Variants in CCSER1 observed in about 807,000 individuals in gnomAD.
CCSER1 encodes serine-rich coiled-coil domain-containing protein 1.
CCSER1 carries 41 observed loss-of-function variants against 82.0 expected under a neutral mutation model. The ratio of observed to expected loss-of-function variants is 0.50; its 90% CI spans 0.39 to 0.65. The LOEUF is 0.65. CCSER1 is among the 30% of genes least tolerant of loss of function. CCSER1 has a pLI of 0.00. For synonymous variants in CCSER1, 414 were observed against 383.9 expected, an observed-to-expected ratio of 1.08 and a Z score of -0.92; for missense variants, 1,119 against 1,064.2, an observed-to-expected ratio of 1.05 and a Z score of -0.72.
chr4:90,803,026 C>T (rs1757029186), intron 7 of CCSER1, among the ~76,000 whole-genome samples: 1 of 151,804 alleles, frequency 6.6e-6, no homozygotes, highest in South Asian at 2.1e-4. Flanking sequence ...GTAAATCTTA[C>T]AGTAAAGCCC....
chr4:91,336,916 G>A (rs1158049938), intron 10 of CCSER1, among the ~76,000 whole-genome samples: 3 of 152,024 alleles, frequency 2.0e-5, no homozygotes, highest in Non-Finnish European at 4.4e-5. Context: ...GAAGTGATAT[G>A]TATAAATACA....
intron 8 of CCSER1, among the ~76,000 whole-genome samples, chr4:90,916,280 T>G (rs1727399639): frequency 6.6e-6 from 1 of 152,148 alleles, no homozygotes; most frequent in African/African-American, 2.4e-5. Context: ...AAGGCTACAG[T>G]AACCAAAGCA....
chr4:90,621,756 G>A (rs1373743192), intron 5 of CCSER1, among the ~76,000 whole-genome samples: 1 of 152,140 alleles, frequency 6.6e-6, no homozygotes, highest in Non-Finnish European at 1.5e-5. Flanking sequence ...AATTATTCCA[G>A]CAGGTAGTTA....
intron 10 of CCSER1, among the ~76,000 whole-genome samples, chr4:91,553,843 A>ATT (rs35525587): frequency 7.1e-4 from 103 of 146,080 alleles, no homozygotes; most frequent in Middle Eastern, 3.5e-3. Context: ...AGGTTTATCA[A>ATT]TTTTTTAAAA....
At chr4:91,446,455 A>C (rs1755558694) in intron 10 of CCSER1, among the ~76,000 whole-genome samples, 1 of 151,806 alleles carries the variant, frequency 6.6e-6, no homozygotes, top group East Asian at 1.9e-4. Flanking sequence ...TCTGTTACAA[A>C]TATTATGCAT....
intron 1 of CCSER1, among the ~76,000 whole-genome samples, chr4:90,196,720 G>A (rs1008952071): frequency 6.2e-5 from 9 of 145,182 alleles, no homozygotes; most frequent in African/African-American, 2.1e-4. Context: ...ACATTCTATT[G>A]CTCAAGCAAT....
chr4:91,237,739 A>G (rs1269762797), intron 10 of CCSER1, among the ~76,000 whole-genome samples: 4 of 152,204 alleles, frequency 2.6e-5, no homozygotes, highest in African/African-American at 9.6e-5. Context: ...GGAGAGAGAA[A>G]GAGAGCACAA....
chr4:90,665,278 C>T (rs1279711866), intron 6 of CCSER1, among the ~76,000 whole-genome samples: 2 of 151,260 alleles, frequency 1.3e-5, no homozygotes, highest in African/African-American at 2.4e-5. Flanking sequence ...GCTGTAATTT[C>T]GAGGTAGGGA....
At chr4:91,464,996 C>A (rs1334681725) in intron 10 of CCSER1, among the ~76,000 whole-genome samples, 1 of 152,132 alleles carries the variant, frequency 6.6e-6, no homozygotes, top group Non-Finnish European at 1.5e-5. Flanking sequence ...AGCTCTGCAC[C>A]AAGTGGACCG....
At chr4:90,795,454 A>G (rs1755865341) in intron 7 of CCSER1, among the ~76,000 whole-genome samples, 1 of 152,108 alleles carries the variant, frequency 6.6e-6, no homozygotes, top group South Asian at 2.1e-4. Flanking sequence ...GGATAGTTTG[A>G]CATCCTATCT....
intron 10 of CCSER1, among the ~76,000 whole-genome samples, chr4:91,352,950 A>T (rs1268225620): frequency 1.3e-5 from 2 of 152,186 alleles, no homozygotes. Context: ...AATGTTGAAA[A>T]AAATAGACAG....
At position 90,513,063 on chromosome 4, in the gene CCSER1, G is replaced by A. The variant is rs565031024; in HGVS notation, c.1724+44709G>A. Among the ~76,000 whole-genome samples the A allele has an allele frequency of 1.7e-4, 26 of 152,216 alleles. 1 individual carries two copies. In the South Asian group the frequency reaches 5.4e-3, roughly 32 times the overall value. ...GGAGTGTGGCAGAATGTGTGGACTA[G>A]GGACATGAAGTAAACTTGTAAACTT... On this transcript the variant is annotated intron_variant, in intron 5 of 10. Transcript: ENST00000509176.
rs551772941 is a variant in CCSER1, at chr4:91,262,641, C to T, written c.2217+176647C>T. On this transcript the variant is annotated intron_variant, in intron 10 of 10. Transcript: ENST00000509176. Reference sequence around the variant, plus strand: ...TTTCTATTACATTCTTACCAAAGGACCTAAATTCCAATTAAATTTAGAATT... The same window carrying T: ...TTTCTATTACATTCTTACCAAAGGATCTAAATTCCAATTAAATTTAGAATT... Among the ~76,000 whole-genome samples the T allele has an allele frequency of 2.6e-4, 39 of 152,076 alleles. 1 individual carries two copies. The highest frequency in any genetic ancestry group is 1.8e-3 in the Admixed American group (27 of 15,270).
chr4:90,530,176 T>C (rs1375946443), intron 5 of CCSER1, among the ~76,000 whole-genome samples: 2 of 152,108 alleles, frequency 1.3e-5, no homozygotes, highest in Non-Finnish European at 2.9e-5. Flanking sequence ...AGGGGTATGG[T>C]CCCTTAAAGT....
chr4:91,193,084 G>A (rs931098311), intron 10 of CCSER1, among the ~76,000 whole-genome samples: 2 of 151,932 alleles, frequency 1.3e-5, no homozygotes, highest in Admixed American at 1.3e-4. Context: ...ATGAATATTT[G>A]TGTCTTTTTT....
chr4:90,556,963 C>T lies in CCSER1; in HGVS notation c.1725-71062C>T, dbSNP rs577080414. The stretch of plus-strand genomic sequence containing the variant: ...TAGCAAACATAAATAAAAATAGATA[C>T]AGGTACCAACATTCAATAACAACTT... On this transcript the variant is annotated intron_variant, in intron 5 of 10. Coordinates refer to ENST00000509176, the MANE Select transcript of CCSER1 (RefSeq NM_001145065.2). 2.0e-5 allele frequency among the ~76,000 whole-genome samples: 3 copies of T among 151,720 alleles called. No individual in the cohort carries two copies. The East Asian group carries it at 5.8e-4, about 29-fold the overall frequency.
At chr4:90,438,364 C>A (rs1759353938) in intron 4 of CCSER1, among the ~76,000 whole-genome samples, 1 of 152,020 alleles carries the variant, frequency 6.6e-6, no homozygotes, top group African/African-American at 2.4e-5. Flanking sequence ...TGACTAAGAT[C>A]CTTTCAAAGG....
intron 4 of CCSER1, among the ~76,000 whole-genome samples, chr4:90,446,016 C>T (rs538445950): frequency 6.6e-6 from 1 of 152,116 alleles, no homozygotes; most frequent in East Asian, 1.9e-4. Context: ...TATCTTGGCC[C>T]TATTAGCCTA....
At chr4:91,580,130 A>C (rs1479069991) in intron 10 of CCSER1, among the ~76,000 whole-genome samples, 1 of 151,898 alleles carries the variant, frequency 6.6e-6, no homozygotes, top group African/African-American at 2.4e-5. Flanking sequence ...AGCAAGCTGA[A>C]GAAAAATTCA....
Sources: gnomAD v4.1 joint callset for allele counts (sites outside exome capture counted in the v4.1 genomes callset) on GRCh38, gnomAD v4.1.1 for gene constraint, MANE v1.5 for transcripts, NCBI Gene and HGNC (gene_info 2026-07-23, HGNC 2026-07-21) for gene names.